Variants in ABI1 observed in about 807,000 individuals in gnomAD.
ABI1 encodes the protein abl interactor 1, also known as Abelson interactor 1.
ABI1 carries 14 observed loss-of-function variants against 54.6 expected under a neutral mutation model. The observed-to-expected ratio is 0.26, with a 90% CI of 0.17 to 0.40. The LOEUF is 0.40. ABI1 is among the 10% of genes least tolerant of loss of function. The pLI is 1.00. For synonymous variants in ABI1, 194 were observed against 209.3 expected (o/e 0.93, Z 0.63); for missense variants, 443 against 598.3 (o/e 0.74, Z 2.71).
chr10:26,832,061 C>T (rs547631546), intron 1 of ABI1, among the ~76,000 whole-genome samples: 3 of 152,242 alleles, frequency 2.0e-5, no homozygotes, highest in South Asian at 2.1e-4. Context: ...CAAAAGGTTA[C>T]GGGTGCAATA....
In ABI1 at chr10:26,809,885, CTA is replaced by C. The variant is rs2047120697; in HGVS notation, c.285+13251_285+13252del. 2.0e-5 allele frequency among the ~76,000 whole-genome samples: 3 copies of C among 152,122 alleles called. No homozygotes were observed. The South Asian group carries it at 6.2e-4, about 32-fold the overall frequency. ...TCCACAAGAAGAGGGCATGGAAGCT[CTA>C]TGTTTGGAAACTCCCAGACCTTGCC... is the stretch of plus-strand genomic sequence containing the variant. On this transcript the variant is annotated intron_variant, in intron 2 of 10. Transcript: ENST00000376140.
intron 2 of ABI1, among the ~76,000 whole-genome samples, chr10:26,820,588 CTTT>C (rs34548409): frequency 7.2e-5 from 10 of 138,490 alleles, no homozygotes; most frequent in African/African-American, 1.3e-4. Context: ...AGCTAATGCA[CTTT>C]TTTTTTTTTT....
intron 2 of ABI1, among the ~76,000 whole-genome samples, chr10:26,786,833 C>T (rs1213028405): frequency 6.6e-6 from 1 of 152,188 alleles, no homozygotes; most frequent in Non-Finnish European, 1.5e-5. Context: ...TATATACACA[C>T]AAACTTTTCT....
At chr10:26,811,649 G>A (rs2047234312) in intron 2 of ABI1, among the ~76,000 whole-genome samples, 1 of 151,868 alleles carries the variant, frequency 6.6e-6, no homozygotes, top group African/African-American at 2.4e-5. Context: ...ATGATGTTAA[G>A]AATATTATAC....
chr10:26,763,785 A>G, intron 7 of ABI1: 2 of 1,108,372 alleles, frequency 1.8e-6, no homozygotes, highest in South Asian at 2.6e-5. Flanking sequence ...CCTGCAACCT[A>G]ATAACTATAA....
chr10:26,771,339 G>C (rs899522239), intron 3 of ABI1, among the ~76,000 whole-genome samples: 1 of 152,078 alleles, frequency 6.6e-6, no homozygotes, highest in Non-Finnish European at 1.5e-5. Context: ...TCTCATGCAG[G>C]CTCAATGATT....
intron 1 of ABI1, among the ~76,000 whole-genome samples, chr10:26,851,067 G>C (rs909907827): frequency 1.4e-5 from 2 of 139,646 alleles, no homozygotes; most frequent in African/African-American, 5.7e-5. Flanking sequence ...ATGATGCAGA[G>C]AAAAAAAGCA....
At chr10:26,787,033 T>A (rs1373073019) in intron 2 of ABI1, among the ~76,000 whole-genome samples, 1 of 152,234 alleles carries the variant, frequency 6.6e-6, no homozygotes, top group Admixed American at 6.5e-5. Context: ...ATTTACTTCA[T>A]GTTTAATTTT....
At chr10:26,760,294 C>T (rs1031348302) in intron 7 of ABI1, among the ~76,000 whole-genome samples, 2 of 152,158 alleles carry the variant, frequency 1.3e-5, no homozygotes, top group South Asian at 2.1e-4. Flanking sequence ...CTTGCCCCAT[C>T]TAAACAACAA....
rs118073135 is a variant in ABI1, at chr10:26,808,902, C to T, written c.285+14236G>A. 2.2e-4 allele frequency among the ~76,000 whole-genome samples: 33 copies of T among 151,834 alleles called. No homozygotes were observed. In the East Asian group the frequency reaches 5.4e-3, roughly 25 times the overall value. ...GAGAAGGGGGAAAGGTAATAAAGGA[C>T]GGGGAGACAGACAGACACAGAAAGA... On this transcript the variant is annotated intron_variant, in intron 2 of 10. Transcript: ENST00000376140.
At chr10:26,790,511 AT>A (rs1433919981) in intron 2 of ABI1, 1 of 151,628 alleles carries the variant, frequency 6.6e-6, no homozygotes, top group Non-Finnish European at 1.5e-5. Flanking sequence ...TAAGTTCCTT[AT>A]AGAAGCTGGA....
chr10:26,819,378 C>T (rs944077028), intron 2 of ABI1, among the ~76,000 whole-genome samples: 2 of 152,100 alleles, frequency 1.3e-5, no homozygotes, highest in African/African-American at 4.8e-5. Flanking sequence ...ATCAAGTGGA[C>T]CTAACAAGCC....
chr10:26,840,373 C>T (rs529831016), intron 1 of ABI1, among the ~76,000 whole-genome samples: 1 of 152,316 alleles, frequency 6.6e-6, no homozygotes, highest in South Asian at 2.1e-4. Flanking sequence ...CAGATGTTGG[C>T]ACCATGCTTC....
intron 7 of ABI1, chr10:26,763,793 TA>T: frequency 8.2e-7 from 1 of 1,218,560 alleles, no homozygotes; most frequent in Non-Finnish European, 1.2e-6. Flanking sequence ...CTAATAACTA[TA>T]AAAGCCAGCA....
chr10:26,788,308 C>T (rs978541019), intron 2 of ABI1, among the ~76,000 whole-genome samples: 3 of 152,228 alleles, frequency 2.0e-5, no homozygotes, highest in Non-Finnish European at 2.9e-5. Flanking sequence ...TCAGGTATGT[C>T]TTTATCAGCA....
intron 2 of ABI1, among the ~76,000 whole-genome samples, chr10:26,802,927 A>G (rs973715089): frequency 2.0e-5 from 3 of 152,214 alleles, no homozygotes. Flanking sequence ...AAGTAAGCCT[A>G]CCGGGCACAG....
intron 10 of ABI1, among the ~76,000 whole-genome samples, chr10:26,749,227 G>T (rs1837310519): frequency 6.6e-6 from 1 of 151,564 alleles, no homozygotes; most frequent in South Asian, 2.2e-4. Context: ...ACTGTCCCCA[G>T]ATTTTTTTTT....
chr10:26,803,677 T>C (rs2046701951), intron 2 of ABI1, among the ~76,000 whole-genome samples: 1 of 152,208 alleles, frequency 6.6e-6, no homozygotes, highest in Non-Finnish European at 1.5e-5. Context: ...CTAGAGTGTA[T>C]CCATTCTGCT....
intron 2 of ABI1, among the ~76,000 whole-genome samples, chr10:26,816,947 G>C (rs899426202): frequency 5.3e-5 from 8 of 150,544 alleles, no homozygotes; most frequent in Non-Finnish European, 1.0e-4. Context: ...CTAAAAACTA[G>C]GTTCTATTAT....
Sources: allele counts gnomAD v4.1 joint callset (sites outside exome capture counted in the v4.1 genomes callset), GRCh38; gene constraint gnomAD v4.1.1; transcripts MANE v1.5; gene names NCBI Gene and HGNC (gene_info 2026-07-23, HGNC 2026-07-21).